Variants in FAM81B observed in about 807,000 individuals in gnomAD.
FAM81B encodes protein FAM81B.
FAM81B carries 60 observed loss-of-function variants against 58.7 expected under a neutral mutation model. The ratio of observed to expected loss-of-function variants is 1.02; its 90% CI spans 0.83 to 1.27. FAM81B has a LOEUF of 1.27. Among genes scored for constraint, FAM81B ranks in the 50% most tolerant of loss-of-function variants. The pLI, the probability that FAM81B is intolerant of heterozygous loss-of-function variation, is 0.00. For synonymous variants in FAM81B, 189 were observed against 179.6 expected (o/e 1.05, Z -0.42); for missense variants, 491 against 522.0 (o/e 0.94, Z 0.58).
chr5:95,426,012 A>G (rs1195355297), intron 5 of FAM81B, among the ~76,000 whole-genome samples: 1 of 149,920 alleles, frequency 6.7e-6, no homozygotes, highest in East Asian at 1.9e-4. Context: ...AGGTTAAAGT[A>G]AAATTAAATG....
intron 3 of FAM81B, among the ~76,000 whole-genome samples, chr5:95,413,269 C>T (rs1762451411): frequency 6.6e-6 from 1 of 152,150 alleles, no homozygotes; most frequent in Admixed American, 6.5e-5. Flanking sequence ...CACTAATCTC[C>T]TCTGGAAACA....
chr5:95,408,079 A>T (rs1582792873), intron 3 of FAM81B, among the ~76,000 whole-genome samples: 1 of 37,652 alleles, frequency 2.7e-5, no homozygotes, highest in South Asian at 1.9e-3. Context: ...CCAAAATGAG[A>T]GAGAGAGAGA....
chr5:95,424,020 A>T (rs1762758211), intron 5 of FAM81B: 1 of 1,289,150 alleles, frequency 7.8e-7, no homozygotes, highest in Admixed American at 2.3e-5. Context: ...CAAGGATGCA[A>T]CCGTGTTCTT....
chr5:95,441,428 C>G (rs914559393), intron 7 of FAM81B, among the ~76,000 whole-genome samples: 13 of 151,774 alleles, frequency 8.6e-5, no homozygotes, highest in East Asian at 1.9e-4. Flanking sequence ...AATTAGCCGG[C>G]CGTGGTGGCG....
chr5:95,421,673 G>C (rs1487554852), intron 5 of FAM81B, among the ~76,000 whole-genome samples: 1 of 86,598 alleles, frequency 1.2e-5, no homozygotes, highest in Non-Finnish European at 2.8e-5. Flanking sequence ...TGAATTGGTA[G>C]AATACAAAAA....
chr5:95,440,649 G>C (rs1022510184), intron 7 of FAM81B: 2 of 887,876 alleles, frequency 2.3e-6, no homozygotes, highest in African/African-American at 3.4e-5. Context: ...AATTATTACT[G>C]ATCCAAGGAC....
At position 95,446,711 on chromosome 5, in the gene FAM81B, T is replaced by C. The variant is rs1482133147; in HGVS notation, c.1029+14T>C. 1 of 1,609,584 alleles carries C rather than the reference T, an allele frequency of 6.2e-7. No homozygotes were observed. Among genetic ancestry groups the C allele is most frequent in the African/African-American group, 1.3e-5 (1 of 74,512 alleles). On this transcript the variant is annotated intron_variant, in intron 8 of 9. Transcript: ENST00000283357. Reference sequence around the variant, plus strand: ...CAGGAGAAACTGGTGAGGAGTTCTGTTATTTTGTGAAGCAAGCACCTGCAT... The same window carrying C: ...CAGGAGAAACTGGTGAGGAGTTCTGCTATTTTGTGAAGCAAGCACCTGCAT...
chr5:95,403,400 T>C (rs1309962421), intron 3 of FAM81B, among the ~76,000 whole-genome samples: 9 of 152,228 alleles, frequency 5.9e-5, no homozygotes, highest in Admixed American at 5.2e-4. Flanking sequence ...AAATATTGTA[T>C]ATGAACTAGA....
intron 6 of FAM81B, among the ~76,000 whole-genome samples, chr5:95,431,182 G>T (rs1744870798): frequency 6.6e-6 from 1 of 151,992 alleles, no homozygotes. Context: ...AGTTGTAGTT[G>T]AATTTATCAG....
At chr5:95,396,793 G>A (rs568174402) in intron 3 of FAM81B, 1 of 152,384 alleles carries the variant, frequency 6.6e-6, no homozygotes, top group East Asian at 1.9e-4. Context: ...GTCAAAGCAG[G>A]ATTTGGTCTA....
chr5:95,409,302 G>A (rs181950057), intron 3 of FAM81B, among the ~76,000 whole-genome samples: 1 of 151,954 alleles, frequency 6.6e-6, no homozygotes, highest in African/African-American at 2.4e-5. Context: ...GGGACTACAA[G>A]CGTGTGCCAC....
intron 4 of FAM81B, among the ~76,000 whole-genome samples, chr5:95,415,273 A>C (rs1762510764): frequency 6.6e-6 from 1 of 152,232 alleles, no homozygotes; most frequent in Non-Finnish European, 1.5e-5. Flanking sequence ...ATGAGAATTG[A>C]CAACAATGCA....
rs1745739698 is a variant in FAM81B, at chr5:95,450,065, T to C, written c.1226-84T>C. ...CTTGGAATTAAATGATAATCAATTA[T>C]GGCAGGACTGCCGATTAGCAACTTT... On this transcript the variant is annotated intron_variant, in intron 9 of 9. Coordinates refer to ENST00000283357, the MANE Select transcript of FAM81B (RefSeq NM_152548.3). 2.1e-6 allele frequency: 3 copies of C among 1,429,492 alleles called. No homozygotes were observed. The South Asian group carries it at 4.3e-5, about 20-fold the overall frequency. The allele number at this position is 1,429,492 out of a possible 1,614,324, so 88.6% of individuals were successfully genotyped here.
chr5:95,393,483 T>C (rs920291076), intron 2 of FAM81B, among the ~76,000 whole-genome samples: 1 of 152,178 alleles, frequency 6.6e-6, no homozygotes, highest in Non-Finnish European at 1.5e-5. Context: ...CCTCTGTTTC[T>C]TCTTCTGTAA....
chr5:95,448,409 A>C lies in FAM81B; in HGVS notation c.1170A>C (p.Gln390His). ...ATAAATTGTCCAAAAAGATGGAACA[A>C]ATGGAAAAGCAGATCTGGGGTGAAT... ...MENKLSKKME[Q>H]MEKQIWGELE... Residue 390 changes from glutamine (Q) to histidine (H), a missense_variant, in exon 9 of 10, where the codon CAA (glutamine) becomes CAC (histidine). Coordinates refer to ENST00000283357, the MANE Select transcript of FAM81B (RefSeq NM_152548.3). 1.2e-6 allele frequency: 2 copies of C among 1,612,668 alleles called. No individual in the cohort carries two copies. The highest frequency in any genetic ancestry group is 1.7e-6 in the Non-Finnish European group (2 of 1,179,606).
At chr5:95,411,672 A>G (rs982572520) in intron 3 of FAM81B, among the ~76,000 whole-genome samples, 5 of 152,206 alleles carry the variant, frequency 3.3e-5, no homozygotes, top group African/African-American at 9.6e-5. Flanking sequence ...CAAAACTTCA[A>G]TGAGTCACTA....
At chr5:95,439,236 G>GTATATATAGATA (rs1745221772) in intron 7 of FAM81B, among the ~76,000 whole-genome samples, 1 of 105,186 alleles carries the variant, frequency 9.5e-6, no homozygotes, top group Non-Finnish European at 1.9e-5. Flanking sequence ...AGGTTAAAGA[G>GTATATATAGATA]TATATATATA....
At chr5:95,438,797 A>C (rs543877380) in intron 7 of FAM81B, among the ~76,000 whole-genome samples, 152 of 151,220 alleles carry the variant, frequency 1.0e-3, no homozygotes, top group African/African-American at 3.2e-3. Context: ...AAAAAAAAAA[A>C]AAAACCAACA....
At chr5:95,407,446 G>A (rs953458669) in intron 3 of FAM81B, among the ~76,000 whole-genome samples, 6 of 151,206 alleles carry the variant, frequency 4.0e-5, no homozygotes, top group Non-Finnish European at 7.4e-5. Flanking sequence ...AAACACACAC[G>A]CACACCTGCC....
Sources: allele counts gnomAD v4.1 joint callset (sites outside exome capture counted in the v4.1 genomes callset), GRCh38; gene constraint gnomAD v4.1.1; transcripts MANE v1.5; gene names NCBI Gene and HGNC (gene_info 2026-07-23, HGNC 2026-07-21).